Variants in QKI observed in about 807,000 individuals in gnomAD.
The protein encoded by QKI is QKI, KH domain containing RNA binding.
QKI carries 10 observed loss-of-function variants against 39.0 expected under a neutral mutation model. The ratio of observed to expected loss-of-function variants is 0.26; its 90% confidence interval spans 0.16 to 0.43. QKI has a LOEUF of 0.43. Ranked by LOEUF, QKI falls within the 20% of genes least tolerant of loss-of-function variation. QKI has a pLI of 1.00. For synonymous variants in QKI, 204 were observed against 155.4 expected, an observed-to-expected ratio of 1.31 and a Z score of -2.33; for missense variants, 218 against 428.0, an observed-to-expected ratio of 0.51 and a Z score of 4.33.
At chr6:163,470,692 A>G (rs1792116709) in intron 2 of QKI, among the ~76,000 whole-genome samples, 1 of 152,212 alleles carries the variant, frequency 6.6e-6, no homozygotes, top group Non-Finnish European at 1.5e-5. Flanking sequence ...AAGAAAAGGA[A>G]GAGAAATGGA....
chr6:163,518,580 G>C (rs958342096), intron 3 of QKI, among the ~76,000 whole-genome samples: 4 of 152,136 alleles, frequency 2.6e-5, no homozygotes, highest in Non-Finnish European at 5.9e-5. Flanking sequence ...TTAAGGAAGA[G>C]AGTATTTTGT....
chr6:163,480,277 CTT>C (rs568029159), intron 3 of QKI, among the ~76,000 whole-genome samples: 1 of 152,032 alleles, frequency 6.6e-6, no homozygotes, highest in Non-Finnish European at 1.5e-5. Flanking sequence ...CTCTCTCTCT[CTT>C]TCTTCCTTCC....
intron 1 of QKI, among the ~76,000 whole-genome samples, chr6:163,417,642 G>T (rs191643111): frequency 1.3e-5 from 2 of 152,148 alleles, no homozygotes; most frequent in Non-Finnish European, 2.9e-5. Flanking sequence ...AATAGTACTC[G>T]TTTGCGTTTT....
intron 1 of QKI, among the ~76,000 whole-genome samples, chr6:163,437,542 G>T (rs558319280): frequency 1.9e-4 from 29 of 152,290 alleles, no homozygotes; most frequent in Non-Finnish European, 3.4e-4. Flanking sequence ...TTATGCCACA[G>T]TCTGGAAAAC....
chr6:163,532,130 T>G (rs1165811581), intron 3 of QKI, among the ~76,000 whole-genome samples: 1 of 152,234 alleles, frequency 6.6e-6, no homozygotes, highest in African/African-American at 2.4e-5. Context: ...AATTATTCCT[T>G]TTAAATTCTC....
chr6:163,423,125 GTC>G, intron 1 of QKI: 1 of 152,242 alleles, frequency 6.6e-6, no homozygotes, highest in South Asian at 2.1e-4. Context: ...GTGAAACCCT[GTC>G]TCTGCTAAAA....
intron 1 of QKI, among the ~76,000 whole-genome samples, chr6:163,447,167 G>C (rs936022414): frequency 2.0e-5 from 3 of 151,042 alleles, no homozygotes; most frequent in African/African-American, 7.3e-5. Flanking sequence ...GCTGTGACTT[G>C]GTCCAGTTTC....
At chr6:163,566,360 AT>A (rs774091899) in intron 6 of QKI, 27 of 1,202,896 alleles carry the variant, frequency 2.2e-5, no homozygotes, top group Non-Finnish European at 2.8e-5. Flanking sequence ...AATTGTCTGT[AT>A]TAAACATGGC....
chr6:163,461,196 G>C (rs1488860112), intron 2 of QKI, among the ~76,000 whole-genome samples: 1 of 151,994 alleles, frequency 6.6e-6, no homozygotes, highest in Non-Finnish European at 1.5e-5. Flanking sequence ...GGTATATTTA[G>C]GGCCTGTTGT....
intron 4 of QKI, among the ~76,000 whole-genome samples, chr6:163,546,664 A>G (rs1781894633): frequency 6.6e-6 from 1 of 152,076 alleles, no homozygotes; most frequent in African/African-American, 2.4e-5. Context: ...TAAGATAGTA[A>G]CCATTGTGAC....
chr6:163,424,235 C>T (rs1018033806), intron 1 of QKI, among the ~76,000 whole-genome samples: 3 of 152,004 alleles, frequency 2.0e-5, no homozygotes, highest in Non-Finnish European at 4.4e-5. Flanking sequence ...AAAAAATTAC[C>T]CTGAAACCGC....
chr6:163,493,469 CAT>C (rs1300453615), intron 3 of QKI, among the ~76,000 whole-genome samples: 2 of 152,260 alleles, frequency 1.3e-5, no homozygotes, highest in South Asian at 4.1e-4. Flanking sequence ...TTTAATTGTA[CAT>C]ATGTGTACTG....
chr6:163,453,773 C>T lies in QKI; in HGVS notation c.143-1506C>T, dbSNP rs1790740782. On this transcript the variant is annotated intron_variant, in intron 1 of 7. Transcript: ENST00000361752. ...ATTTGCTATTCAGAGAAAAGCATTT[C>T]GTAAGCTTTGACAAACAAATTGTTA... Among the ~76,000 whole-genome samples, 6 of 152,000 alleles carry T rather than the reference C, an allele frequency of 3.9e-5. No individual in the cohort carries two copies. The South Asian group carries it at 8.3e-4, about 21-fold the overall frequency.
chr6:163,455,514 C>A, intron 2 of QKI, 93 bp downstream of exon 2: 2 of 1,268,736 alleles, frequency 1.6e-6, no homozygotes, highest in Non-Finnish European at 2.2e-6. Flanking sequence ...GCATTATTAG[C>A]CACTTTAAAA....
intron 4 of QKI, among the ~76,000 whole-genome samples, chr6:163,541,729 C>G (rs993878215): frequency 1.3e-5 from 2 of 151,894 alleles, no homozygotes; most frequent in African/African-American, 4.8e-5. Flanking sequence ...AAGTTTTACT[C>G]TATTTCATTT....
At chr6:163,439,134 T>C (rs1460873147) in intron 1 of QKI, among the ~76,000 whole-genome samples, 1 of 152,180 alleles carries the variant, frequency 6.6e-6, no homozygotes, top group Non-Finnish European at 1.5e-5. Flanking sequence ...CAGGTCTTCA[T>C]GGGCAAGGGC....
rs1783449060 is a variant in QKI at position 163,567,700 on chromosome 6, A to G, written c.1009+905A>G. The stretch of plus-strand genomic sequence containing the variant: ...TTGTTTTCTAAGTTTTTCCATCACA[A>G]GATAGGAATATCAAGCATGGTAGTA... On this transcript the variant is annotated intron_variant, in intron 7 of 7. Coordinates refer to ENST00000361752, the MANE Select transcript of QKI (RefSeq NM_006775.3). The G allele has an allele frequency of 1.5e-5, 15 of 984,346 alleles. No homozygotes were observed. In the South Asian group the frequency reaches 5.6e-4, roughly 37 times the overall value. The allele number at this position is 984,346 out of a possible 1,614,324, so 61.0% of individuals were successfully genotyped here.
At chr6:163,435,222 A>G (rs115108463) in intron 1 of QKI, among the ~76,000 whole-genome samples, 1,892 of 152,342 alleles carry the variant, frequency 0.012, 43 homozygotes, top group African/African-American at 0.043. Flanking sequence ...TGTGAAGGAT[A>G]GGCTGCTACC....
At chr6:163,415,900 G>A (rs1357915105) in intron 1 of QKI, 3 of 513,318 alleles carry the variant, frequency 5.8e-6, no homozygotes, top group Non-Finnish European at 1.2e-5. Flanking sequence ...GTGGAAGTCA[G>A]TGTGGGGCTC....
Sources: gnomAD v4.1 joint callset for allele counts (sites outside exome capture counted in the v4.1 genomes callset) on GRCh38, gnomAD v4.1.1 for gene constraint, MANE v1.5 for transcripts, NCBI Gene and HGNC (gene_info 2026-07-23, HGNC 2026-07-21) for gene names.